The following CT45A1 variants were observed in gnomAD, a reference collection of about 807,000 sequenced individuals.
CT45A1 encodes cancer/testis antigen family 45 member A1.
At chrX:135,717,076 G>A (rs1319831726) in intron 1 of CT45A1, among the ~76,000 whole-genome samples, 1 of 110,762 alleles carries the variant, frequency 9.0e-6, no homozygotes, top group Non-Finnish European at 1.9e-5. Flanking sequence ...AAAAAACTTT[G>A]TATTTTCCTT....
chrX:135,715,493 T>TATAATACTTATATATAATACTTATAG (rs2087978427), intron 1 of CT45A1, among the ~76,000 whole-genome samples: 4 of 77,258 alleles, frequency 5.2e-5, no homozygotes, highest in Middle Eastern at 8.3e-3. Flanking sequence ...AATACTTATA[T>TATAATACTTATATATAATACTTATAG]GTATATAATA....
upstream of CT45A1, among the ~76,000 whole-genome samples, chrX:135,711,770 TTAAAA>T (rs1385960159): frequency 1.8e-5 from 2 of 112,171 alleles, no homozygotes; most frequent in African/African-American, 6.5e-5. Flanking sequence ...TTTGCTGCAC[TTAAAA>T]TAAGTTATGA....
At chrX:135,714,151 G>A (rs1318014817) in intron 1 of CT45A1, among the ~76,000 whole-genome samples, 6 of 109,314 alleles carry the variant, frequency 5.5e-5, no homozygotes, top group African/African-American at 1.7e-4. Flanking sequence ...CATGATCGCC[G>A]CCCTGTGGGA....
At chrX:135,717,761 G>C (rs1334875703) in intron 1 of CT45A1, among the ~76,000 whole-genome samples, 1 of 111,249 alleles carries the variant, frequency 9.0e-6, no homozygotes, top group Admixed American at 9.6e-5. Flanking sequence ...TAATTATACA[G>C]AAATGCCATT....
At chrX:135,712,974 T>TTTCTTTC (rs782341458), upstream of CT45A1, among the ~76,000 whole-genome samples, 4 of 48,188 alleles carry the variant, frequency 8.3e-5, no homozygotes, top group Non-Finnish European at 7.6e-5. Context: ...TCTTTCTTTC[T>TTTCTTTC]TTTCTTTCTC....
In CT45A1 at chrX:135,714,835, GT is replaced by G. The variant is rs782184985; in HGVS notation, c.-7+1160del. On this transcript the variant is annotated intron_variant, in intron 1 of 4. Coordinates refer to ENST00000594565, the MANE Select transcript of CT45A1 (RefSeq NM_001017417.3). ...GTGCCACCACACCCAGCTATTTATTGTTTTTTTTTTTTTTTGAGCACCATTT... is the reference window on the plus strand; with the variant it reads ...GTGCCACCACACCCAGCTATTTATTGTTTTTTTTTTTTTTGAGCACCATTT... Among the ~76,000 whole-genome samples, 446 of 86,442 alleles carry G rather than the reference GT, an allele frequency of 5.2e-3. 3 individuals carry two copies. Among genetic ancestry groups the G allele is most frequent in the African/African-American group, 0.014 (329 of 24,204 alleles). The allele number at this position is 86,442 out of a possible 115,157, so 75.1% of individuals were successfully genotyped here.
intron 1 of CT45A1, among the ~76,000 whole-genome samples, chrX:135,715,664 T>C (rs1369942151): frequency 2.0e-5 from 2 of 99,896 alleles, no homozygotes; most frequent in Admixed American, 1.2e-4. Context: ...ATAATACTTA[T>C]ATATATAATA....
intron 1 of CT45A1, among the ~76,000 whole-genome samples, chrX:135,714,626 T>A (rs782559998): frequency 7.6e-4 from 85 of 111,370 alleles, no homozygotes; most frequent in African/African-American, 2.5e-3. Flanking sequence ...GAACACTCGC[T>A]GTACAGTTAG....
chrX:135,714,669 GTGATCTCTCC>G (rs2148032850), intron 1 of CT45A1, among the ~76,000 whole-genome samples: 1 of 110,914 alleles, frequency 9.0e-6, no homozygotes, highest in South Asian at 3.9e-4. Context: ...TGGGTGTGCA[GTGATCTCTCC>G]TTATGTCTAC....
At chrX:135,718,474 T>A (rs1406832002) in intron 1 of CT45A1, among the ~76,000 whole-genome samples, 1 of 110,178 alleles carries the variant, frequency 9.1e-6, no homozygotes, top group Non-Finnish European at 1.9e-5. Context: ...GGTTTATACA[T>A]CTATTTGAAT....
chrX:135,718,519 T>C (rs187379118), intron 1 of CT45A1, among the ~76,000 whole-genome samples: 2 of 110,157 alleles, frequency 1.8e-5, no homozygotes. Flanking sequence ...TAAATACATA[T>C]TTTGCATAAT....
intron 1 of CT45A1, among the ~76,000 whole-genome samples, chrX:135,715,351 TAC>T (rs2087973746): frequency 1.4e-3 from 50 of 34,611 alleles, no homozygotes; most frequent in African/African-American, 2.7e-3. Flanking sequence ...ATATAATACT[TAC>T]ATATAATACT....
At chrX:135,714,478 G>T (rs1556570660) in intron 1 of CT45A1, among the ~76,000 whole-genome samples, 1 of 109,685 alleles carries the variant, frequency 9.1e-6, no homozygotes, top group African/African-American at 3.3e-5. Context: ...AGGTTGGGGT[G>T]CTTTTCCTCG....
At chrX:135,714,298 G>A in intron 1 of CT45A1, among the ~76,000 whole-genome samples, 1 of 109,051 alleles carries the variant, frequency 9.2e-6, no homozygotes, top group East Asian at 2.9e-4. Context: ...CTGCTTATCC[G>A]CGATGTGGAC....
chrX:135,709,921 C>A (rs1466576316), upstream of CT45A1, among the ~76,000 whole-genome samples: 3 of 112,111 alleles, frequency 2.7e-5, no homozygotes, highest in Non-Finnish European at 5.6e-5. Flanking sequence ...AAATCTTAAC[C>A]AGATATACAT....
At chrX:135,711,086 G>T (rs1408366282), upstream of CT45A1, among the ~76,000 whole-genome samples, 2 of 111,835 alleles carry the variant, frequency 1.8e-5, no homozygotes, top group Non-Finnish European at 3.8e-5. Context: ...CTGTCCACTT[G>T]TGGCTTGTGT....
chrX:135,715,441 T>A (rs2087977141), intron 1 of CT45A1, among the ~76,000 whole-genome samples: 1 of 82,370 alleles, frequency 1.2e-5, no homozygotes, highest in Admixed American at 1.7e-4. Context: ...TACTTATATA[T>A]AATACTTATA....
upstream of CT45A1, among the ~76,000 whole-genome samples, chrX:135,712,932 TC>T (rs781954882): frequency 4.5e-4 from 39 of 86,225 alleles, no homozygotes; most frequent in African/African-American, 1.1e-3. Context: ...TCTTTTCTTT[TC>T]TTTTTTTCTT....
At chrX:135,712,437 C>T (rs781915270), upstream of CT45A1, among the ~76,000 whole-genome samples, 8 of 108,865 alleles carry the variant, frequency 7.3e-5, no homozygotes, top group South Asian at 2.8e-3. Flanking sequence ...TGCTGGGGTA[C>T]AGGCATGAGC....
Sources: allele counts gnomAD v4.1 joint callset (sites outside exome capture counted in the v4.1 genomes callset), GRCh38; gene constraint gnomAD v4.1.1; transcripts MANE v1.5; gene names NCBI Gene and HGNC (gene_info 2026-07-23, HGNC 2026-07-21).